The following PDE9A variants were observed in gnomAD, a reference collection of about 807,000 sequenced individuals.
PDE9A encodes the protein phosphodiesterase 9A, also known as high affinity cGMP-specific 3',5'-cyclic phosphodiesterase 9A.
Under a neutral mutation model 87.4 loss-of-function variants are expected in PDE9A, and 60 were observed. The ratio of observed to expected loss-of-function variants is 0.69; its 90% CI spans 0.56 to 0.85. The LOEUF (loss-of-function observed/expected upper bound fraction) is 0.85, where lower values mean the gene tolerates loss of function less well. Ranked by LOEUF, PDE9A falls within the 40% of genes least tolerant of loss-of-function variation. The pLI, the probability that PDE9A is intolerant of heterozygous loss-of-function variation, is 0.00. For missense variants in PDE9A, 665 were observed against 779.0 expected (o/e 0.85, Z 1.74); for synonymous variants, 272 against 279.4 (o/e 0.97, Z 0.27).
At chr21:42,710,074 GTGTT>G (rs1297634714) in intron 4 of PDE9A, among the ~76,000 whole-genome samples, 1 of 152,170 alleles carries the variant, frequency 6.6e-6, no homozygotes, top group Non-Finnish European at 1.5e-5. Flanking sequence ...CTCATATGCT[GTGTT>G]TGTTTAACTT....
chr21:42,704,418 C>T lies in PDE9A; in HGVS notation c.262+5407C>T, dbSNP rs1180628710. 1.4e-5 allele frequency among the ~76,000 whole-genome samples: 2 copies of T among 140,988 alleles called. No homozygotes were observed. Among genetic ancestry groups the T allele is most frequent in the Admixed American group, 1.4e-4 (2 of 14,198 alleles). The allele number at this position is 140,988 out of a possible 152,430, so 92.5% of individuals were successfully genotyped here. ...AGACAAAGTCGGTGTCAGGTAGACC[C>T]CCCCCACCCCACCAAACACACACAC... On this transcript the variant is annotated intron_variant, in intron 4 of 19. Coordinates refer to ENST00000291539, the MANE Select transcript of PDE9A (RefSeq NM_002606.3). The surrounding 1 kb of genome is among the most constrained non-coding windows in gnomAD (Gnocchi z 5.3).
chr21:42,768,731 T>A, intron 16 of PDE9A: 1 of 985,454 alleles, frequency 1.0e-6, no homozygotes. Flanking sequence ...AACAGCTTGA[T>A]GAACCCTAGG....
intron 7 of PDE9A, chr21:42,733,651 TTC>T (rs2052075028): frequency 3.6e-6 from 2 of 554,374 alleles, no homozygotes; most frequent in African/African-American, 3.8e-5. Context: ...GTATAAAGCA[TTC>T]TTTCAGCCCC....
chr21:42,688,759 A>G (rs2059619543), intron 3 of PDE9A, among the ~76,000 whole-genome samples: 1 of 152,214 alleles, frequency 6.6e-6, no homozygotes, highest in African/African-American at 2.4e-5. Flanking sequence ...TGTGCCTCCA[A>G]GGGACTCAGT....
At position 42,748,266 on chromosome 21, in the gene PDE9A, G is replaced by A. The variant is rs187275244; in HGVS notation, c.654-2850G>A. 3.3e-3 allele frequency among the ~76,000 whole-genome samples: 510 copies of A among 152,294 alleles called. 4 individuals are homozygous for A. Among genetic ancestry groups the A allele is most frequent in the African/African-American group, 0.012 (479 of 41,552 alleles). ...CGTTACTTCTCAGAAATGTGTAAATGGAATTTCTCGTTTAATGGATGACAA... is the reference window on the plus strand; with the variant it reads ...CGTTACTTCTCAGAAATGTGTAAATAGAATTTCTCGTTTAATGGATGACAA... On this transcript the variant is annotated intron_variant, in intron 8 of 19. Coordinates refer to ENST00000291539, the MANE Select transcript of PDE9A (RefSeq NM_002606.3).
intron 1 of PDE9A, among the ~76,000 whole-genome samples, chr21:42,670,141 A>ACACG (rs2058325422): frequency 7.1e-6 from 1 of 141,808 alleles, no homozygotes; most frequent in Non-Finnish European, 1.5e-5. Flanking sequence ...ACACATGCTT[A>ACACG]CACACACATT....
intron 1 of PDE9A, among the ~76,000 whole-genome samples, chr21:42,682,842 G>T (rs1339093711): frequency 1.3e-5 from 2 of 152,198 alleles, no homozygotes; most frequent in South Asian, 2.1e-4. Flanking sequence ...CTTAGGCTCG[G>T]TTGCATAAAC....
chr21:42,726,361 C>A (rs1192803485), intron 4 of PDE9A, among the ~76,000 whole-genome samples: 2 of 151,624 alleles, frequency 1.3e-5, no homozygotes, highest in Non-Finnish European at 2.9e-5. Context: ...TGTGTTTTTG[C>A]TGTCAAGTCT....
intron 1 of PDE9A, among the ~76,000 whole-genome samples, chr21:42,678,771 G>T (rs2058993615): frequency 6.6e-6 from 1 of 152,234 alleles, no homozygotes; most frequent in African/African-American, 2.4e-5. Flanking sequence ...CCACCTCCCG[G>T]GGGAAATAGG....
At chr21:42,718,981 T>C (rs1298652497) in intron 4 of PDE9A, among the ~76,000 whole-genome samples, 3 of 151,806 alleles carry the variant, frequency 2.0e-5, no homozygotes, top group Non-Finnish European at 4.4e-5. Flanking sequence ...TATGCTTTGT[T>C]GGGGTAGATC....
chr21:42,698,899 A>C, intron 3 of PDE9A, 69 bp from the exon 4 acceptor site: 1 of 987,358 alleles, frequency 1.0e-6, no homozygotes, highest in African/African-American at 1.6e-5. Context: ...CCGAGTGCTT[A>C]TCTCTCCTGC....
intron 15 of PDE9A, among the ~76,000 whole-genome samples, chr21:42,766,504 G>C (rs1285765982): frequency 6.6e-6 from 1 of 152,180 alleles, no homozygotes; most frequent in Non-Finnish European, 1.5e-5. Flanking sequence ...TGAAAGATAG[G>C]GAACTCTCGG....
chr21:42,684,619 G>C (rs1028519951), intron 1 of PDE9A, among the ~76,000 whole-genome samples: 2 of 152,236 alleles, frequency 1.3e-5, no homozygotes, highest in African/African-American at 4.8e-5. Flanking sequence ...GGGAGCTCTG[G>C]GAGGAGCCAG....
intron 1 of PDE9A, among the ~76,000 whole-genome samples, chr21:42,669,136 A>G (rs1344645152): frequency 6.6e-6 from 1 of 152,168 alleles, no homozygotes; most frequent in Non-Finnish European, 1.5e-5. Context: ...CATAAATGCC[A>G]CAGCTTAAAA....
chr21:42,725,459 G>A (rs1319082927), intron 4 of PDE9A, among the ~76,000 whole-genome samples: 1 of 152,106 alleles, frequency 6.6e-6, no homozygotes, highest in African/African-American at 2.4e-5. Context: ...GGCTGGTCTC[G>A]AACTCCTGAC....
intron 4 of PDE9A, among the ~76,000 whole-genome samples, chr21:42,700,399 G>A (rs1362679501): frequency 6.6e-6 from 1 of 151,924 alleles, no homozygotes; most frequent in Admixed American, 6.6e-5. Flanking sequence ...CTATAACCTT[G>A]CCAACTTTTT....
chr21:42,717,137 C>A (rs984847759), intron 4 of PDE9A, among the ~76,000 whole-genome samples: 1 of 151,306 alleles, frequency 6.6e-6, no homozygotes, highest in Non-Finnish European at 1.5e-5. Flanking sequence ...TTAATAGTTG[C>A]CTATATATTT....
At position 42,696,275 on chromosome 21, in the gene PDE9A, C is replaced by A. The variant is rs541830139; in HGVS notation, c.219-2693C>A. 1.2e-4 allele frequency among the ~76,000 whole-genome samples: 19 copies of A among 152,320 alleles called. No individual in the cohort carries two copies. Among genetic ancestry groups the A allele is most frequent in the African/African-American group, 4.3e-4 (18 of 41,566 alleles). ...GCTGGACACGCCTCTCTGGCTCTGT[C>A]CCCGCCGGCACTGTGTGGGATCCAT... On this transcript the variant is annotated intron_variant, in intron 3 of 19. Transcript: ENST00000291539. This position sits in a 1 kb window ranked among gnomAD's most constrained non-coding sequence, Gnocchi z 5.1.
Position 42,753,982 on chromosome 21 carries a change from C to CT in PDE9A, c.736-5dup, listed in dbSNP as rs778386119. ...GCCTGGTTAACACGGAACTCCTGTC[C>CT]TTTCTAGTACCTGCTCTCTCCAGAG... On this transcript the variant is annotated splice_region_variant and splice_polypyrimidine_tract_variant and intron_variant, in intron 9 of 19. Transcript: ENST00000291539. The CT allele has an allele frequency of 6.2e-7, 1 of 1,602,142 alleles. No individual in the cohort carries two copies. Among genetic ancestry groups the CT allele is most frequent in the Non-Finnish European group, 8.5e-7 (1 of 1,170,078 alleles).
Sources: gnomAD v4.1 joint callset for allele counts (sites outside exome capture counted in the v4.1 genomes callset) on GRCh38, gnomAD v4.1.1 for gene constraint, Gnocchi (gnomAD v3.1) non-coding constraint, MANE v1.5 for transcripts, NCBI Gene and HGNC (gene_info 2026-07-23, HGNC 2026-07-21) for gene names.